TENM3: variants seen among roughly 807,000 people sequenced by gnomAD.
TENM3 encodes the protein teneurin-3.
Under a neutral mutation model 255.1 loss-of-function variants are expected in TENM3, and 63 were observed. The ratio of observed to expected loss-of-function variants is 0.25; its 90% CI spans 0.20 to 0.30. The LOEUF is 0.30. TENM3 is among the 10% of genes least tolerant of loss of function. The pLI is 1.00. For missense variants in TENM3, 2,929 were observed against 3,461.1 expected (o/e 0.85, Z 3.86); for synonymous variants, 1,306 against 1,322.3 (o/e 0.99, Z 0.27).
At chr4:181,698,059 A>C in the TENM3 span, among the ~76,000 whole-genome samples, 59 of 151,990 alleles carry the variant, frequency 3.9e-4, no homozygotes, top group South Asian at 6.7e-3. Flanking sequence ...CTAAAAATAC[A>C]AAAAATTAGC....
At chr4:182,616,847 A>G (rs1282109292) in intron 4 of TENM3, among the ~76,000 whole-genome samples, 2 of 152,102 alleles carry the variant, frequency 1.3e-5, no homozygotes, top group Non-Finnish European at 2.9e-5. Context: ...ATAAACAGGA[A>G]CCCAGCCTTG....
chr4:182,674,273 T>A (rs2152556071), intron 7 of TENM3, among the ~76,000 whole-genome samples: 1 of 152,230 alleles, frequency 6.6e-6, no homozygotes, highest in South Asian at 2.1e-4. Context: ...GAACATAAAT[T>A]ATGAAGAAAA....
At chr4:182,135,204 C>CAAAA in the TENM3 span, among the ~76,000 whole-genome samples, 46 of 81,558 alleles carry the variant, frequency 5.6e-4, 1 homozygote, top group South Asian at 1.3e-3. Context: ...GACTCGGTCT[C>CAAAA]AAAAAAAAAA....
the TENM3 span, among the ~76,000 whole-genome samples, chr4:181,884,223 A>C: frequency 1.3e-5 from 2 of 152,170 alleles, no homozygotes. Flanking sequence ...ATATCTAGGA[A>C]TAATGCATGC....
At chr4:182,339,780 T>C (rs1764369067) in intron 2 of TENM3, among the ~76,000 whole-genome samples, 1 of 152,210 alleles carries the variant, frequency 6.6e-6, no homozygotes, top group South Asian at 2.1e-4. Flanking sequence ...CAATACCTAC[T>C]GCAGTTCGAC....
chr4:182,344,785 T>G (rs921052168), intron 2 of TENM3, among the ~76,000 whole-genome samples: 17 of 152,166 alleles, frequency 1.1e-4, no homozygotes, highest in Non-Finnish European at 2.1e-4. Context: ...ATCTACACGT[T>G]TTAGAGTCCT....
intron 1 of TENM3, among the ~76,000 whole-genome samples, chr4:182,176,184 G>C (rs564426163): frequency 6.6e-6 from 1 of 152,090 alleles, no homozygotes; most frequent in Non-Finnish European, 1.5e-5. Flanking sequence ...TATAGAAGGC[G>C]TGTAATAAAT....
chr4:182,656,391 A>T (rs908615587), intron 6 of TENM3, among the ~76,000 whole-genome samples: 3 of 152,206 alleles, frequency 2.0e-5, no homozygotes, highest in Non-Finnish European at 2.9e-5. Flanking sequence ...GATTTTCCAA[A>T]TACAAGTTCT....
rs372359248 is a variant in TENM3, at chr4:182,668,150, A to G, written c.1112-4855A>G. On this transcript the variant is annotated intron_variant, in intron 6 of 27. Transcript: ENST00000511685. ...TAATGGAACTATGTTAAGCAGGGAA[A>G]GTCGCTGAAGCCCTACCTTGGGTTT... is the stretch of plus-strand genomic sequence containing the variant. 7.2e-5 allele frequency among the ~76,000 whole-genome samples: 11 copies of G among 152,268 alleles called. No homozygotes were observed. In the East Asian group the frequency reaches 2.1e-3, roughly 29 times the overall value.
At chr4:182,268,474 G>A (rs1025718908) in intron 1 of TENM3, among the ~76,000 whole-genome samples, 2 of 152,124 alleles carry the variant, frequency 1.3e-5, no homozygotes, top group Non-Finnish European at 2.9e-5. Context: ...GGGGAAATGT[G>A]TCAGAGGCTT....
chr4:181,805,439 C>A, the TENM3 span, among the ~76,000 whole-genome samples: 1 of 152,122 alleles, frequency 6.6e-6, no homozygotes, highest in Admixed American at 6.6e-5. Context: ...AGCCCCCATT[C>A]TTTTGCCTTC....
At chr4:181,485,275 T>C in the TENM3 span, among the ~76,000 whole-genome samples, 1 of 152,156 alleles carries the variant, frequency 6.6e-6, no homozygotes, top group Non-Finnish European at 1.5e-5. Context: ...ATAAGGACAC[T>C]TTTAAACTGG....
intron 3 of TENM3, among the ~76,000 whole-genome samples, chr4:182,377,612 C>T (rs1307695352): frequency 6.6e-6 from 1 of 152,194 alleles, no homozygotes; most frequent in African/African-American, 2.4e-5. Flanking sequence ...CCACGCCCGG[C>T]TCCACAATTA....
intron 3 of TENM3, among the ~76,000 whole-genome samples, chr4:182,399,401 A>C (rs1300350348): frequency 6.6e-6 from 1 of 152,208 alleles, no homozygotes; most frequent in East Asian, 1.9e-4. Flanking sequence ...TGCTGAGCAG[A>C]AGCTGCTAGC....
chr4:182,361,310 A>G (rs1765960295), intron 3 of TENM3, among the ~76,000 whole-genome samples: 1 of 152,126 alleles, frequency 6.6e-6, no homozygotes, highest in Non-Finnish European at 1.5e-5. Context: ...TGTCCTGCAG[A>G]GTGTTTTCCA....
chr4:181,879,162 T>C, the TENM3 span, among the ~76,000 whole-genome samples: 1 of 152,038 alleles, frequency 6.6e-6, no homozygotes, highest in Non-Finnish European at 1.5e-5. Flanking sequence ...AATATATGGG[T>C]CAACCTACAG....
At chr4:182,768,978 T>C (rs1263035346) in intron 22 of TENM3, among the ~76,000 whole-genome samples, 2 of 152,184 alleles carry the variant, frequency 1.3e-5, no homozygotes, top group Non-Finnish European at 2.9e-5. Flanking sequence ...TGATGTTCTA[T>C]TCAAATTCCC....
At chr4:181,489,342 A>C in the TENM3 span, among the ~76,000 whole-genome samples, 1 of 152,162 alleles carries the variant, frequency 6.6e-6, no homozygotes, top group African/African-American at 2.4e-5. Flanking sequence ...AAATAGAGAA[A>C]CCAGATTGGA....
the TENM3 span, among the ~76,000 whole-genome samples, chr4:181,566,871 T>C: frequency 6.6e-6 from 1 of 152,224 alleles, no homozygotes; most frequent in Non-Finnish European, 1.5e-5. Context: ...TCTATGTCCA[T>C]GAGAAGCTCG....
Sources: gnomAD v4.1 joint callset for allele counts (sites outside exome capture counted in the v4.1 genomes callset) on GRCh38, gnomAD v4.1.1 for gene constraint, MANE v1.5 for transcripts, NCBI Gene and HGNC (gene_info 2026-07-23, HGNC 2026-07-21) for gene names.